The following ZNF527 variants were observed in gnomAD, a reference collection of about 807,000 sequenced individuals.
ZNF527 encodes the protein zinc finger protein 527.
A neutral mutation model predicts 13.5 loss-of-function variants in ZNF527; 5 were observed. The ratio of observed to expected loss-of-function variants is 0.37; its 90% CI spans 0.19 to 0.78. ZNF527 has a LOEUF of 0.78. Among genes scored for constraint, ZNF527 ranks in the 30% least tolerant of loss-of-function variants. ZNF527 has a pLI of 0.48. For synonymous variants in ZNF527, 209 were observed against 243.1 expected (o/e 0.86, Z 1.30); for missense variants, 628 against 726.4 (o/e 0.86, Z 1.56).
chr19:37,387,897 T>C (rs1304099716), intron 4 of ZNF527, among the ~76,000 whole-genome samples: 2 of 152,194 alleles, frequency 1.3e-5, no homozygotes, highest in African/African-American at 2.4e-5. Flanking sequence ...GGGGTGAACA[T>C]CCATCCCTGC....
In ZNF527 at chr19:37,392,416, G is replaced by T. The variant is rs1303120384; in HGVS notation, c.*2537G>T. The T allele has an allele frequency of 6.6e-6, 1 of 151,856 alleles. No individual in the cohort carries two copies. The highest frequency in any genetic ancestry group is 2.4e-5 in the African/African-American group (1 of 41,318). 9.4% of individuals were successfully genotyped at this position (151,856 alleles called of 1,614,324 possible). A position where few individuals can be genotyped will look rare whatever the true frequency, so the allele number is the denominator to read the frequency against. On this transcript the variant is annotated 3_prime_UTR_variant, in exon 5 of 5. Coordinates refer to ENST00000436120, the MANE Select transcript of ZNF527 (RefSeq NM_032453.2). Reference sequence around the variant, plus strand: ...ATTTATTTATTTTTTTTGAGACAGGGTCTCACTCTGTTATCCAGGCTGGAA... The same window carrying T: ...ATTTATTTATTTTTTTTGAGACAGGTTCTCACTCTGTTATCCAGGCTGGAA...
chr19:37,377,259 G>A (rs1392059455), intron 2 of ZNF527, among the ~76,000 whole-genome samples: 2 of 152,194 alleles, frequency 1.3e-5, no homozygotes, highest in African/African-American at 2.4e-5. Context: ...GTGTGGGCAA[G>A]TGGACGGACT....
At chr19:37,375,318 T>TCTTTC (rs2040596904) in intron 2 of ZNF527, among the ~76,000 whole-genome samples, 1 of 143,924 alleles carries the variant, frequency 6.9e-6, no homozygotes, top group African/African-American at 2.6e-5. Flanking sequence ...TTCTTTTCTT[T>TCTTTC]CTTTCTTTCT....
chr19:37,380,954 G>A (rs1162098232), intron 4 of ZNF527, among the ~76,000 whole-genome samples: 5 of 151,600 alleles, frequency 3.3e-5, no homozygotes, highest in South Asian at 2.1e-4. Flanking sequence ...GCCCTTATTC[G>A]GTATCTTCTT....
At position 37,391,010 on chromosome 19, in the gene ZNF527, G is replaced by A. The variant is rs552302417; in HGVS notation, c.*1131G>A. The A allele has an allele frequency of 3.3e-5, 5 of 152,098 alleles. No individual in the cohort carries two copies. Among genetic ancestry groups the A allele is most frequent in the Admixed American group, 2.6e-4 (4 of 15,264 alleles). The allele number at this position is 152,098 out of a possible 1,614,324, so 9.4% of individuals were successfully genotyped here. On this transcript the variant is annotated 3_prime_UTR_variant, in exon 5 of 5. Transcript: ENST00000436120. ...TGTTTCTTAGTTTTTTTCACATTAT[G>A]GCTGAATATTTTAAAATTCACCAAG...
In ZNF527 at chr19:37,380,365, C is replaced by A. The variant is rs1479304627; in HGVS notation, c.249C>A (p.His83Gln). 1 of 1,613,844 alleles carries A rather than the reference C, an allele frequency of 6.2e-7. No homozygotes were observed. The highest frequency in any genetic ancestry group is 8.5e-7 in the Non-Finnish European group (1 of 1,179,800). The change falls in exon 4 of 5, where the codon CAC becomes CAA. Residue 83 changes from histidine (H) to glutamine (Q), a missense_variant. His to Gln is a conservative substitution (Grantham distance 24). Coordinates refer to ENST00000436120, the MANE Select transcript of ZNF527 (RefSeq NM_032453.2). Reference sequence around the variant, plus strand: ...TGGAGAGAAAGATGTCACAGGGTCACTGTGCAGGTGAGTGACAGATCACCA... The same window carrying A: ...TGGAGAGAAAGATGTCACAGGGTCAATGTGCAGGTGAGTGACAGATCACCA... ...WMVERKMSQG[H>Q]CADWESWCEI... is the part of the protein sequence containing the mutation.
intron 2 of ZNF527, among the ~76,000 whole-genome samples, chr19:37,375,297 T>TC (rs1383934099): frequency 8.0e-6 from 1 of 124,906 alleles, no homozygotes; most frequent in African/African-American, 3.4e-5. Flanking sequence ...TTTCTTTCTT[T>TC]CTTTCTTTCT....
chr19:37,375,898 G>A (rs1374249920), intron 2 of ZNF527, among the ~76,000 whole-genome samples: 1 of 152,222 alleles, frequency 6.6e-6, no homozygotes, highest in African/African-American at 2.4e-5. Context: ...ATGATCAACT[G>A]AGCTAAGTTC....
At chr19:37,380,555 T>A (rs947967780) in intron 4 of ZNF527, among the ~76,000 whole-genome samples, 183 bp downstream of exon 4, 2 of 152,212 alleles carry the variant, frequency 1.3e-5, no homozygotes, top group African/African-American at 4.8e-5. Flanking sequence ...TACTCTCCGG[T>A]CTTCCACCTA....
rs1298260456 is a variant in ZNF527, at chr19:37,379,230, G to A, written c.144G>A (p.Arg48=). 6.2e-7 allele frequency: 1 copy of A among 1,607,354 alleles called. No homozygotes were observed. The highest frequency in any genetic ancestry group is 8.5e-7 in the Non-Finnish European group (1 of 1,177,716). Residue 48 remains arginine (R), a synonymous_variant, in exon 3 of 5, where the codon AGG becomes AGA. Transcript: ENST00000436120. ...GAGATGTCATGTTGGAGAACTACAGGAACTTGGTATGGCTTGGTAAGGATG... is the reference window on the plus strand; with the variant it reads ...GAGATGTCATGTTGGAGAACTACAGAAACTTGGTATGGCTTGGTAAGGATG... The part of the protein sequence containing the change: ...LYRDVMLENY[R]NLVWLGLSIS...
Position 37,390,968 on chromosome 19 carries a change from C to T in ZNF527, c.*1089C>T, listed in dbSNP as rs898750686. The T allele has an allele frequency of 1.1e-4, 16 of 152,044 alleles. No homozygotes were observed. The highest frequency in any genetic ancestry group is 1.7e-4 in the African/African-American group (7 of 41,404). The allele number at this position is 152,044 out of a possible 1,614,324, so 9.4% of individuals were successfully genotyped here. On this transcript the variant is annotated 3_prime_UTR_variant, in exon 5 of 5. Transcript: ENST00000436120. ...GAGATAATTGTTACATTTTATTTGT[C>T]GATAAAACTATTTTAGTGTTTCTTA...
chr19:37,374,851 C>G (rs1282898775), intron 2 of ZNF527, among the ~76,000 whole-genome samples: 2 of 152,142 alleles, frequency 1.3e-5, no homozygotes, highest in Non-Finnish European at 2.9e-5. Flanking sequence ...AAAGTGAAAA[C>G]AGATAGCAGG....
intron 4 of ZNF527, among the ~76,000 whole-genome samples, 195 bp from the exon 5 acceptor site, chr19:37,388,111 C>T (rs953336049): frequency 6.6e-6 from 1 of 152,182 alleles, no homozygotes; most frequent in African/African-American, 2.4e-5. Flanking sequence ...CATATACCTT[C>T]CCTTCTCAGC....
chr19:37,382,879 G>A (rs1481691540), intron 4 of ZNF527, among the ~76,000 whole-genome samples: 1 of 152,024 alleles, frequency 6.6e-6, no homozygotes, highest in African/African-American at 2.4e-5. Flanking sequence ...GCTAATTTTT[G>A]TATTTTTAGT....
Position 37,389,576 on chromosome 19 carries a change from T to C in ZNF527, c.1527T>C (p.Asp509=). 6.2e-7 allele frequency: 1 copy of C among 1,614,142 alleles called. No individual in the cohort carries two copies. Among genetic ancestry groups the C allele is most frequent in the Non-Finnish European group, 8.5e-7 (1 of 1,180,024 alleles). The part of the protein sequence containing the change: ...ECSKCGKAFS[D]ALVLIHHKRS... ...GTAAATGTGGGAAAGCCTTCAGTGATGCTTTAGTTCTAATTCACCATAAGA... is the reference window on the plus strand; with the variant it reads ...GTAAATGTGGGAAAGCCTTCAGTGACGCTTTAGTTCTAATTCACCATAAGA... Residue 509 remains aspartate, a synonymous_variant, in exon 5 of 5, where the codon GAT becomes GAC. Coordinates refer to ENST00000436120, the MANE Select transcript of ZNF527 (RefSeq NM_032453.2).
At chr19:37,379,816 G>C (rs1323661758) in intron 3 of ZNF527, 1 of 157,542 alleles carries the variant, frequency 6.3e-6, no homozygotes, top group African/African-American at 2.4e-5. Flanking sequence ...CCGTAGAATG[G>C]TGGTTTGGAA....
intron 4 of ZNF527, among the ~76,000 whole-genome samples, chr19:37,381,693 C>T (rs1361250079): frequency 6.6e-6 from 1 of 151,974 alleles, no homozygotes; most frequent in Non-Finnish European, 1.5e-5. Context: ...GTAATTTTTG[C>T]CCATTTATTT....
intron 4 of ZNF527, among the ~76,000 whole-genome samples, chr19:37,383,539 AT>A (rs750041418): frequency 3.4e-3 from 407 of 121,030 alleles, no homozygotes; most frequent in Admixed American, 5.5e-3. Flanking sequence ...CACCCAGCTG[AT>A]TTTTTTTTTT....
chr19:37,379,105 A>AT lies in ZNF527; in HGVS notation c.34-8dup, dbSNP rs1236966963. The AT allele has an allele frequency of 6.2e-7, 1 of 1,614,012 alleles. No homozygotes were observed. The highest frequency in any genetic ancestry group is 8.5e-7 in the Non-Finnish European group (1 of 1,179,942). ...GTGTCTGGGCACCTGGTGAACAAGA[A>AT]TTTTTTTATTTCAGGGGTTGGTGAC... On this transcript the variant is annotated splice_polypyrimidine_tract_variant and intron_variant, in intron 2 of 4. Transcript: ENST00000436120.
Sources: allele counts gnomAD v4.1 joint callset (sites outside exome capture counted in the v4.1 genomes callset), GRCh38; gene constraint gnomAD v4.1.1; transcripts MANE v1.5; gene names NCBI Gene and HGNC (gene_info 2026-07-23, HGNC 2026-07-21).